Variants in ARVCF observed in about 807,000 individuals in gnomAD.
The protein encoded by ARVCF is ARVCF delta catenin family member.
ARVCF carries 66 observed loss-of-function variants against 90.9 expected under a neutral mutation model. The observed-to-expected ratio is 0.73, with a 90% CI of 0.60 to 0.89. The LOEUF (loss-of-function observed/expected upper bound fraction) is 0.89. ARVCF is among the 40% of genes least tolerant of loss of function. The pLI, the probability that ARVCF is intolerant of heterozygous loss-of-function variation, is 0.00. For missense variants in ARVCF, 1,469 were observed against 1,382.3 expected, an observed-to-expected ratio of 1.06 and a Z score of -1.00; for synonymous variants, 653 against 603.4, an observed-to-expected ratio of 1.08 and a Z score of -1.21.
Position 19,981,466 on chromosome 22 carries a change from C to G in ARVCF, c.641G>C (p.Arg214Pro), listed in dbSNP as rs570091802. 3 of 1,544,324 alleles carry G rather than the reference C, an allele frequency of 1.9e-6. No individual in the cohort carries two copies. The highest frequency in any genetic ancestry group is 2.6e-6 in the Non-Finnish European group (3 of 1,147,160). ...LSRGLGMRPP[R>P]AGPLGPGPGD... is the part of the protein sequence containing the mutation. ...AGGGCCTGGGCCAAGGGGGCCAGCA[C>G]GTGGGGGCCGCATGCCCAGCCCTCG... The change falls in exon 5 of 20, where the codon CGT becomes CCT. Residue 214 changes from arginine to proline, a missense_variant. Coordinates refer to ENST00000263207, the MANE Select transcript of ARVCF (RefSeq NM_001670.3).
intron 1 of ARVCF, among the ~76,000 whole-genome samples, chr22:20,014,962 G>A (rs565028538): frequency 5.3e-5 from 8 of 152,278 alleles, no homozygotes; most frequent in South Asian, 2.1e-4. Flanking sequence ...AGAGGGCCCC[G>A]GGACTGGGGG....
In ARVCF at chr22:19,972,773, C is replaced by T. The variant is rs1261527417; in HGVS notation, c.2605G>A (p.Asp869Asn). 9 of 1,613,056 alleles carry T rather than the reference C, an allele frequency of 5.6e-6. No individual in the cohort carries two copies. Among genetic ancestry groups the T allele is most frequent in the African/African-American group, 1.3e-5 (1 of 74,888 alleles). ...TCCACCAGTGGCAGCGTGCTGTCAT[C>T]GAAGCCCCCAGGACTCAGTGCTCCC... Reference protein sequence around the residue: ...PKGALSPGGFDDSTLPLVDKS... With the variant: ...PKGALSPGGFNDSTLPLVDKS... Residue 869 changes from aspartate (D) to asparagine (N), a missense_variant, in exon 16 of 20, where the codon GAT becomes AAT. By Grantham distance (23) the Asp-to-Asn change is conservative. Coordinates refer to ENST00000263207, the MANE Select transcript of ARVCF (RefSeq NM_001670.3).
At chr22:20,008,585 T>C (rs1944715908) in intron 2 of ARVCF, among the ~76,000 whole-genome samples, 1 of 152,194 alleles carries the variant, frequency 6.6e-6, no homozygotes, top group Non-Finnish European at 1.5e-5. Flanking sequence ...GAGTGGGTGC[T>C]GAGTGTGGTG....
intron 9 of ARVCF, 40 bp downstream of exon 9, chr22:19,977,375 T>C (rs111973919): frequency 1.6e-5 from 24 of 1,464,128 alleles, no homozygotes; most frequent in African/African-American, 1.4e-4. Context: ...GGGGCAGGAG[T>C]TGAGATGGTA....
downstream of ARVCF, chr22:19,967,530 T>A (rs1352995036): frequency 2.6e-5 from 10 of 385,842 alleles, no homozygotes; most frequent in East Asian, 7.1e-4. Context: ...GAAAGCCCCC[T>A]GCTTTCTCTG....
intron 3 of ARVCF, chr22:19,986,796 G>A (rs923833568): frequency 5.0e-6 from 2 of 396,654 alleles, no homozygotes; most frequent in Non-Finnish European, 9.1e-6. Context: ...GTGCCAAGAG[G>A]AGGGTCAAAC....
At chr22:19,975,801 G>A (rs758199242) in intron 10 of ARVCF, 44 bp from the exon 11 acceptor site, 11 of 1,598,018 alleles carry the variant, frequency 6.9e-6, no homozygotes, top group Non-Finnish European at 8.6e-6. Flanking sequence ...CCCCATATGG[G>A]GAATGGGTGT....
chr22:19,985,035 C>T (rs892724261), intron 3 of ARVCF, among the ~76,000 whole-genome samples: 2 of 152,146 alleles, frequency 1.3e-5, no homozygotes, highest in African/African-American at 2.4e-5. Context: ...CCATGTCTGA[C>T]GTGCACCTGC....
intron 11 of ARVCF, 88 bp from the exon 12 acceptor site, chr22:19,974,327 G>A (rs1569151219): frequency 6.9e-7 from 1 of 1,448,288 alleles, no homozygotes; most frequent in Non-Finnish European, 9.1e-7. Context: ...AGAGCTCCCA[G>A]GGCGTGGGTG....
Position 19,980,117 on chromosome 22 carries a change from C to T in ARVCF, c.1022G>A (p.Arg341Gln), listed in dbSNP as rs772484913. 4.4e-6 allele frequency: 7 copies of T among 1,588,300 alleles called. No individual in the cohort carries two copies. The highest frequency in any genetic ancestry group is 2.7e-5 in the African/African-American group (2 of 74,586). Residue 341 changes from arginine (R) to glutamine (Q), a missense_variant, in exon 6 of 20, where the codon CGG becomes CAG. Transcript: ENST00000263207. ...GSMGSLDRLV[R>Q]RSPSVDSARK... ...GGCGCTATCCACTGAGGGCGAGCGC[C>T]GCACCAGCCGGTCCAGGCTGCCCAT...
At position 19,978,918 on chromosome 22, in the gene ARVCF, T is replaced by C. The variant is rs1370845804; in HGVS notation, c.1559A>G (p.Lys520Arg). The stretch of plus-strand genomic sequence containing the variant: ...ACACCTCAGGCAGCCCGACGTGTTC[T>C]TGAAGACAGTTGTCCACTCGGCGTC... ...PRDAEWTTVF[K>R]NTSGCLRNVS... is the part of the protein sequence containing the mutation. The change falls in exon 7 of 20, where the codon AAG becomes AGG. Residue 520 changes from lysine (K) to arginine (R), a missense_variant. Coordinates refer to ENST00000263207, the MANE Select transcript of ARVCF (RefSeq NM_001670.3). 3.1e-6 allele frequency: 5 copies of C among 1,612,450 alleles called. No individual in the cohort carries two copies. Among genetic ancestry groups the C allele is most frequent in the African/African-American group, 2.7e-5 (2 of 74,916 alleles).
chr22:19,990,981 C>T (rs893531463), intron 2 of ARVCF, among the ~76,000 whole-genome samples, 169 bp from the exon 3 acceptor site: 8 of 152,258 alleles, frequency 5.3e-5, no homozygotes, highest in East Asian at 1.9e-4. Flanking sequence ...GCCATTAATC[C>T]GAGGCTGGCC....
downstream of ARVCF, chr22:19,969,409 T>C (rs1327666125): frequency 6.6e-6 from 1 of 152,520 alleles, no homozygotes; most frequent in Non-Finnish European, 1.5e-5. Flanking sequence ...CACTGGGCCT[T>C]GCTTACAGAA....
At chr22:20,006,756 C>T (rs1402279753) in intron 2 of ARVCF, among the ~76,000 whole-genome samples, 3 of 151,220 alleles carry the variant, frequency 2.0e-5, no homozygotes, top group Non-Finnish European at 4.4e-5. Context: ...CTCAGCCTCC[C>T]GAGTAGCTGG....
rs373804827 is a variant in ARVCF at position 19,971,343 on chromosome 22, G to A, written c.2782-8C>T. On this transcript the variant is annotated splice_polypyrimidine_tract_variant and splice_region_variant and intron_variant, in intron 18 of 19. Coordinates refer to ENST00000263207, the MANE Select transcript of ARVCF (RefSeq NM_001670.3). ...CTTCCTGCTGGGGTCGAGCTGCAGCGCACGGGTGGGCATTAGAGGCACAAT... is the reference window on the plus strand; with the variant it reads ...CTTCCTGCTGGGGTCGAGCTGCAGCACACGGGTGGGCATTAGAGGCACAAT... The A allele has an allele frequency of 6.2e-5, 96 of 1,549,232 alleles. No individual in the cohort carries two copies. The highest frequency in any genetic ancestry group is 5.0e-4 in the Middle Eastern group (3 of 5,982).
intron 2 of ARVCF, among the ~76,000 whole-genome samples, chr22:20,008,550 C>T (rs1049996031): frequency 4.6e-5 from 7 of 152,228 alleles, no homozygotes; most frequent in Non-Finnish European, 7.3e-5. Context: ...GCCTGTGATG[C>T]CCAGGACCCA....
intron 11 of ARVCF, among the ~76,000 whole-genome samples, chr22:19,975,109 G>GC (rs1943076808): frequency 6.6e-6 from 1 of 152,180 alleles, no homozygotes; most frequent in Non-Finnish European, 1.5e-5. Flanking sequence ...ATCTGCATCA[G>GC]CCCTGCTCTG....
At chr22:19,966,118 G>A (rs912467128), downstream of ARVCF, among the ~76,000 whole-genome samples, 1 of 152,216 alleles carries the variant, frequency 6.6e-6, no homozygotes, top group Non-Finnish European at 1.5e-5. Flanking sequence ...GCGCAAAGCT[G>A]GTAATTATCT....
intron 1 of ARVCF, 32 bp downstream of exon 1, chr22:20,016,557 G>A (rs1244971430): frequency 6.6e-6 from 1 of 151,668 alleles, no homozygotes; most frequent in Non-Finnish European, 1.5e-5. Flanking sequence ...CCAGCCCCGG[G>A]TCCCACACCC....
Sources: gnomAD v4.1 joint callset for allele counts (sites outside exome capture counted in the v4.1 genomes callset) on GRCh38, gnomAD v4.1.1 for gene constraint, MANE v1.5 for transcripts, NCBI Gene and HGNC (gene_info 2026-07-23, HGNC 2026-07-21) for gene names.